WWTR1: variants seen among roughly 807,000 people sequenced by gnomAD.
WWTR1 encodes the protein WW domain containing transcription regulator 1.
A neutral mutation model predicts 40.1 loss-of-function variants in WWTR1; 13 were observed. That is an observed-to-expected ratio of 0.32 (90% CI 0.21 to 0.52). The LOEUF is 0.52. WWTR1 is among the 20% of genes least tolerant of loss of function. WWTR1 has a pLI of 0.97. For synonymous variants in WWTR1, 230 were observed against 210.1 expected (o/e 1.09, Z -0.82); for missense variants, 436 against 523.1 (o/e 0.83, Z 1.63).
chr3:149,609,901 G>A (rs1212990052), intron 2 of WWTR1, among the ~76,000 whole-genome samples: 1 of 152,140 alleles, frequency 6.6e-6, no homozygotes, highest in African/African-American at 2.4e-5. Flanking sequence ...CCTTTTCCAA[G>A]GTCCTCCTCT....
At chr3:149,538,736 T>G (rs1351056951) in intron 4 of WWTR1, among the ~76,000 whole-genome samples, 1 of 152,210 alleles carries the variant, frequency 6.6e-6, no homozygotes, top group Non-Finnish European at 1.5e-5. Context: ...TCTGCTCAGG[T>G]GCATCTGGTC....
intron 2 of WWTR1, among the ~76,000 whole-genome samples, chr3:149,596,848 T>C (rs1020120478): frequency 7.9e-5 from 12 of 152,262 alleles, no homozygotes; most frequent in African/African-American, 2.7e-4. Context: ...AATCAGATTG[T>C]GTTCCAATAG....
intron 5 of WWTR1, among the ~76,000 whole-genome samples, chr3:149,712,218 C>T (rs77129689): frequency 0.02 from 3,006 of 152,186 alleles, 64 homozygotes; most frequent in South Asian, 0.092. Flanking sequence ...GCCAGGAGTT[C>T]GAGGCTGTAG....
At chr3:149,599,696 T>C (rs1739161735) in intron 2 of WWTR1, among the ~76,000 whole-genome samples, 2 of 152,006 alleles carry the variant, frequency 1.3e-5, no homozygotes, top group Admixed American at 1.3e-4. Context: ...TCCTCAAGAG[T>C]ATCATTAAAT....
intron 2 of WWTR1, among the ~76,000 whole-genome samples, chr3:149,573,247 C>T (rs1737728529): frequency 6.6e-6 from 1 of 152,078 alleles, no homozygotes; most frequent in South Asian, 2.1e-4. Context: ...TCCAGACAGC[C>T]CTTGCATGCA....
intron 2 of WWTR1, among the ~76,000 whole-genome samples, chr3:149,589,434 C>T (rs1340319293): frequency 6.6e-6 from 1 of 152,142 alleles, no homozygotes; most frequent in African/African-American, 2.4e-5. Flanking sequence ...ATATTCACAA[C>T]AAATAATGGT....
At chr3:149,674,244 T>A (rs918370295) in intron 1 of WWTR1, among the ~76,000 whole-genome samples, 8 of 150,652 alleles carry the variant, frequency 5.3e-5, no homozygotes, top group African/African-American at 2.0e-4. Context: ...TGTCTCTCTC[T>A]CTCTCTCTGT....
At chr3:149,595,948 G>A (rs1169703470) in intron 2 of WWTR1, among the ~76,000 whole-genome samples, 7 of 151,932 alleles carry the variant, frequency 4.6e-5, no homozygotes, top group African/African-American at 1.2e-4. Flanking sequence ...CAGGAGAATC[G>A]CTTGAACCCG....
chr3:149,679,460 G>C (rs1714383022), intron 1 of WWTR1, among the ~76,000 whole-genome samples: 1 of 152,074 alleles, frequency 6.6e-6, no homozygotes, highest in Non-Finnish European at 1.5e-5. Flanking sequence ...GTACTGTTCA[G>C]CCTTTCCAGA....
chr3:149,618,449 C>A (rs1243075317), intron 2 of WWTR1, among the ~76,000 whole-genome samples: 1 of 152,210 alleles, frequency 6.6e-6, no homozygotes, highest in Non-Finnish European at 1.5e-5. Context: ...CCTGACAACA[C>A]CACCCAAGGC....
intron 1 of WWTR1, among the ~76,000 whole-genome samples, chr3:149,677,071 C>T (rs1714288480): frequency 6.6e-6 from 1 of 151,968 alleles, no homozygotes; most frequent in Non-Finnish European, 1.5e-5. Context: ...CATGCGCCAC[C>T]ACGCCCAGCT....
chr3:149,641,111 T>C (rs1204893671), intron 2 of WWTR1, among the ~76,000 whole-genome samples: 1 of 152,216 alleles, frequency 6.6e-6, no homozygotes. Flanking sequence ...ACAATATAAC[T>C]TTTTGTTTTA....
chr3:149,644,035 C>G (rs77305954), intron 2 of WWTR1, among the ~76,000 whole-genome samples: 2,915 of 152,242 alleles, frequency 0.019, 97 homozygotes, highest in African/African-American at 0.067. Context: ...CACTACACCC[C>G]ATTTTCCTCC....
intron 2 of WWTR1, among the ~76,000 whole-genome samples, chr3:149,624,806 T>A (rs1740469450): frequency 6.6e-6 from 1 of 151,982 alleles, no homozygotes; most frequent in African/African-American, 2.4e-5. Context: ...TTCAAGCAAT[T>A]CTCCTGCCTC....
At chr3:149,681,218 T>A (rs1259218586) in intron 1 of WWTR1, among the ~76,000 whole-genome samples, 3 of 152,236 alleles carry the variant, frequency 2.0e-5, no homozygotes, top group East Asian at 3.8e-4. Context: ...GATGGCTGAT[T>A]ATATGTTATA....
chr3:149,639,050 C>T (rs1438411530), intron 2 of WWTR1, among the ~76,000 whole-genome samples: 1 of 152,174 alleles, frequency 6.6e-6, no homozygotes, highest in African/African-American at 2.4e-5. Flanking sequence ...CTAAACAATG[C>T]CACTTAAAGA....
chr3:149,718,977 C>T (rs1437273298), intron 4 of WWTR1, among the ~76,000 whole-genome samples: 1 of 151,792 alleles, frequency 6.6e-6, no homozygotes, highest in African/African-American at 2.4e-5. Context: ...TGGTGCTTGT[C>T]ACCACGCCTG....
chr3:149,667,893 A>G (rs1713900100), intron 2 of WWTR1, among the ~76,000 whole-genome samples: 1 of 152,232 alleles, frequency 6.6e-6, no homozygotes, highest in Admixed American at 6.5e-5. Context: ...GATATTTGAA[A>G]AGAGAATTAA....
Position 149,657,006 on chromosome 3 carries a change from C to A in WWTR1, c.301G>T (p.Gly101Cys). 6.3e-7 allele frequency: 1 copy of A among 1,596,824 alleles called. No individual in the cohort carries two copies. Among genetic ancestry groups the A allele is most frequent in the Non-Finnish European group, 8.5e-7 (1 of 1,176,248 alleles). Reference sequence around the variant, plus strand: ...TGCTGCGCGGGGCTACCCGCAGCACCCGCGCCGGTGCCCAGCTGCAGGGAC... The same window carrying A: ...TGCTGCGCGGGGCTACCCGCAGCACACGCGCCGGTGCCCAGCTGCAGGGAC... ...PASLQLGTGA[G>C]AAGSPAQQHA... The change falls in exon 2 of 7, where the codon GGT (glycine) becomes TGT (cysteine). Residue 101 changes from glycine (G) to cysteine (C), a missense_variant. By Grantham distance (159) the Gly-to-Cys change is radical. Transcript: ENST00000360632.
Sources: allele counts gnomAD v4.1 joint callset (sites outside exome capture counted in the v4.1 genomes callset), GRCh38; gene constraint gnomAD v4.1.1; transcripts MANE v1.5; gene names NCBI Gene and HGNC (gene_info 2026-07-23, HGNC 2026-07-21).